The following ADAM10 variants were observed in gnomAD, a reference collection of about 807,000 sequenced individuals.
The protein encoded by ADAM10 is ADAM metallopeptidase domain 10, also known as disintegrin and metalloproteinase domain-containing protein 10.
In ADAM10, 17 loss-of-function variants were observed where a neutral mutation model predicts 90.1. That is an observed-to-expected ratio of 0.19 (90% CI 0.13 to 0.28). ADAM10 has a LOEUF of 0.28. Ranked by LOEUF, ADAM10 falls within the 10% of genes least tolerant of loss-of-function variation. The pLI is 1.00. For missense variants in ADAM10, 610 were observed against 914.3 expected, an observed-to-expected ratio of 0.67 and a Z score of 4.29; for synonymous variants, 310 against 298.6, an observed-to-expected ratio of 1.04 and a Z score of -0.40.
intron 2 of ADAM10, among the ~76,000 whole-genome samples, chr15:58,712,924 A>G (rs1187962147): frequency 6.6e-6 from 1 of 152,196 alleles, no homozygotes. Context: ...GCACTTTCAC[A>G]TGAACACGAG....
chr15:58,661,533 G>C (rs1218858570), intron 5 of ADAM10, among the ~76,000 whole-genome samples: 2 of 145,620 alleles, frequency 1.4e-5, no homozygotes, highest in African/African-American at 2.6e-5. Context: ...TTGTTCCCCT[G>C]TATGTAAATG....
At chr15:58,685,463 CAATA>C (rs553224874) in intron 2 of ADAM10, among the ~76,000 whole-genome samples, 20 of 139,516 alleles carry the variant, frequency 1.4e-4, no homozygotes, top group Admixed American at 5.2e-4. Flanking sequence ...ACTCCATCTC[CAATA>C]AATAAATAAA....
Position 58,589,893 on chromosome 15 carries a change from T to C in ADAM10, c.*7654A>G, listed in dbSNP as rs1207649844. The C allele has an allele frequency of 6.6e-6, 1 of 151,960 alleles. No individual in the cohort carries two copies. Among genetic ancestry groups the C allele is most frequent in the East Asian group, 1.9e-4 (1 of 5,186 alleles). 9.4% of individuals were successfully genotyped at this position (151,960 alleles called of 1,614,324 possible). Reference sequence around the variant, plus strand: ...TGTTGGGCCAATATCCTAAGGAGAATAACCAAGTATGACACCTGCCAAAGT... The same window carrying C: ...TGTTGGGCCAATATCCTAAGGAGAACAACCAAGTATGACACCTGCCAAAGT... On this transcript the variant is annotated 3_prime_UTR_variant, in exon 16 of 16. Coordinates refer to ENST00000260408, the MANE Select transcript of ADAM10 (RefSeq NM_001110.4).
rs760465774 is a variant in ADAM10 at position 58,691,283 on chromosome 15, C to G, written c.207-8969G>C. On this transcript the variant is annotated intron_variant, in intron 2 of 15. Coordinates refer to ENST00000260408, the MANE Select transcript of ADAM10 (RefSeq NM_001110.4). Reference sequence around the variant, plus strand: ...CATCCTCAGGTAGCTCCAGACCCTCCTTGGTAACTGACAGCAGGCTCTTCC... The same window carrying G: ...CATCCTCAGGTAGCTCCAGACCCTCGTTGGTAACTGACAGCAGGCTCTTCC... 2.7e-4 allele frequency: 336 copies of G among 1,248,130 alleles called. 2 individuals carry two copies. Among genetic ancestry groups the G allele is most frequent in the Middle Eastern group, 1.3e-3 (7 of 5,348 alleles). The allele number at this position is 1,248,130 out of a possible 1,614,324, so 77.3% of individuals were successfully genotyped here.
In ADAM10 at chr15:58,602,580, G is replaced by A. The variant is rs79209412; in HGVS notation, c.2026-2856C>T. Among the ~76,000 whole-genome samples the A allele has an allele frequency of 5.6e-3, 846 of 151,114 alleles. 42 individuals are homozygous for A. The highest frequency in any genetic ancestry group is 0.05 in the Admixed American group (766 of 15,174). ...AATTAACTGCTTCAAAAAAGGAGAG[G>A]GAATAAAAAAGGGAAAGAGATATAT... On this transcript the variant is annotated intron_variant, in intron 14 of 15. Coordinates refer to ENST00000260408, the MANE Select transcript of ADAM10 (RefSeq NM_001110.4).
At position 58,670,134 on chromosome 15, in the gene ADAM10, G is replaced by T. The variant is rs1897161238; in HGVS notation, c.485-4937C>A. The stretch of plus-strand genomic sequence containing the variant: ...TTTCCTCAATTAAGCTGTTAAAAGA[G>T]TAATACTGACTACAGAGATGTGACA... On this transcript the variant is annotated intron_variant, in intron 4 of 15. Coordinates refer to ENST00000260408, the MANE Select transcript of ADAM10 (RefSeq NM_001110.4). Among the ~76,000 whole-genome samples, 3 of 151,610 alleles carry T rather than the reference G, an allele frequency of 2.0e-5. No individual in the cohort carries two copies. In the South Asian group the frequency reaches 6.2e-4, roughly 31 times the overall value.
At position 58,595,173 on chromosome 15, in the gene ADAM10, A is replaced by T. The variant is rs1190806851; in HGVS notation, c.*2374T>A. 1 of 152,132 alleles carries T rather than the reference A, an allele frequency of 6.6e-6. No homozygotes were observed. Among genetic ancestry groups the T allele is most frequent in the Non-Finnish European group, 1.5e-5 (1 of 67,990 alleles). 9.4% of individuals were successfully genotyped at this position (152,132 alleles called of 1,614,324 possible). ...CCACCAAGACAAGCACTGAATATTG[A>T]TTAGAAACAATGTAATGCAGTTGAG... On this transcript the variant is annotated 3_prime_UTR_variant, in exon 16 of 16. Coordinates refer to ENST00000260408, the MANE Select transcript of ADAM10 (RefSeq NM_001110.4).
At chr15:58,699,552 A>T (rs1192233337) in intron 2 of ADAM10, among the ~76,000 whole-genome samples, 1 of 17,498 alleles carries the variant, frequency 5.7e-5, no homozygotes, top group Non-Finnish European at 1.5e-4. Flanking sequence ...TGAGGCCAGG[A>T]GTTTGAGACC....
intron 2 of ADAM10, among the ~76,000 whole-genome samples, chr15:58,687,134 G>A (rs1386693360): frequency 3.9e-5 from 6 of 152,166 alleles, no homozygotes; most frequent in Admixed American, 6.5e-5. Flanking sequence ...AGGAAGAATA[G>A]GCTTTACTAA....
intron 11 of ADAM10, among the ~76,000 whole-genome samples, chr15:58,619,074 T>C (rs548609500): frequency 2.9e-4 from 44 of 151,914 alleles, no homozygotes; most frequent in Non-Finnish European, 5.9e-4. Flanking sequence ...CTATGCACAA[T>C]AGCCAAGATA....
rs1895429380 is a variant in ADAM10 at position 58,611,215 on chromosome 15, G to A, written c.1696-108C>T. The A allele has an allele frequency of 3.7e-6, 3 of 804,204 alleles. No individual in the cohort carries two copies. In the South Asian group the frequency reaches 4.5e-5, roughly 12 times the overall value. The allele number at this position is 804,204 out of a possible 1,614,324, so 49.8% of individuals were successfully genotyped here. A position where few individuals can be genotyped will look rare whatever the true frequency, so the allele number is the denominator to read the frequency against. On this transcript the variant is annotated intron_variant, in intron 12 of 15. Coordinates refer to ENST00000260408, the MANE Select transcript of ADAM10 (RefSeq NM_001110.4). ...CTTCCAATGTCAAAATATTTAAATGGAAATGAAAGTGAAAAACAAACAGAG... is the reference window on the plus strand; with the variant it reads ...CTTCCAATGTCAAAATATTTAAATGAAAATGAAAGTGAAAAACAAACAGAG...
At chr15:58,681,648 A>T (rs1314968194) in intron 3 of ADAM10, among the ~76,000 whole-genome samples, 1 of 152,178 alleles carries the variant, frequency 6.6e-6, no homozygotes, top group Admixed American at 6.5e-5. Flanking sequence ...CTACTAGTAG[A>T]TGTAACTTTC....
At chr15:58,687,829 A>C (rs1309830374) in intron 2 of ADAM10, among the ~76,000 whole-genome samples, 1 of 152,232 alleles carries the variant, frequency 6.6e-6, no homozygotes, top group Non-Finnish European at 1.5e-5. Flanking sequence ...AATACGATTC[A>C]TGCGACAATC....
intron 1 of ADAM10, chr15:58,748,770 A>T: frequency 2.5e-6 from 1 of 396,732 alleles, no homozygotes. Flanking sequence ...TGGGCGACAG[A>T]ATGTTTTCAA....
intron 10 of ADAM10, among the ~76,000 whole-genome samples, chr15:58,626,264 T>C (rs1895942119): frequency 6.6e-6 from 1 of 152,170 alleles, no homozygotes; most frequent in Non-Finnish European, 1.5e-5. Context: ...GGGAACTGAG[T>C]GAAGGGTACA....
intron 2 of ADAM10, among the ~76,000 whole-genome samples, chr15:58,695,026 T>C (rs1566999488): frequency 6.6e-6 from 1 of 152,332 alleles, no homozygotes; most frequent in East Asian, 1.9e-4. Flanking sequence ...AACATGAATA[T>C]ATTTTATGTA....
chr15:58,693,041 T>C (rs999073118), intron 2 of ADAM10: 6 of 759,508 alleles, frequency 7.9e-6, no homozygotes, highest in Non-Finnish European at 1.5e-5. Context: ...TAGCGAATCT[T>C]GTCTAAGGCA....
chr15:58,686,366 A>T, intron 2 of ADAM10: 1 of 784,218 alleles, frequency 1.3e-6, no homozygotes, highest in Non-Finnish European at 2.1e-6. Flanking sequence ...TATCCTAATA[A>T]AGCTTAAAAA....
At chr15:58,605,975 C>T (rs775228006) in intron 14 of ADAM10, among the ~76,000 whole-genome samples, 17 of 152,010 alleles carry the variant, frequency 1.1e-4, no homozygotes, top group Non-Finnish European at 2.2e-4. Flanking sequence ...AGTGCATGAG[C>T]GAGGACAGGG....
Sources: gnomAD v4.1 joint callset for allele counts (sites outside exome capture counted in the v4.1 genomes callset) on GRCh38, gnomAD v4.1.1 for gene constraint, MANE v1.5 for transcripts, NCBI Gene and HGNC (gene_info 2026-07-23, HGNC 2026-07-21) for gene names.